The following TSHZ2 variants were observed in gnomAD, a reference collection of about 807,000 sequenced individuals.
TSHZ2 encodes the protein teashirt zinc finger homeobox 2, also known as teashirt homolog 2.
Under a neutral mutation model 74.4 loss-of-function variants are expected in TSHZ2, and 21 were observed. The ratio of observed to expected loss-of-function variants is 0.28; its 90% CI spans 0.20 to 0.41. The LOEUF is 0.41. TSHZ2 is among the 10% of genes least tolerant of loss of function. TSHZ2 has a pLI of 1.00. For missense variants in TSHZ2, 1,244 were observed against 1,293.5 expected (o/e 0.96, Z 0.59); for synonymous variants, 540 against 515.3 (o/e 1.05, Z -0.65).
At chr20:53,485,413 G>C (rs1014337461) in intron 2 of TSHZ2, among the ~76,000 whole-genome samples, 1 of 151,986 alleles carries the variant, frequency 6.6e-6, no homozygotes, top group Non-Finnish European at 1.5e-5. Flanking sequence ...TAAACCTAAC[G>C]AAATGCATGG....
At chr20:53,113,348 C>T (rs1057203027) in intron 1 of TSHZ2, among the ~76,000 whole-genome samples, 7 of 152,198 alleles carry the variant, frequency 4.6e-5, no homozygotes, top group Non-Finnish European at 1.0e-4. Context: ...CTCTGTACTT[C>T]GTTGTTCGTT....
chr20:53,228,229 G>A (rs901077314), intron 1 of TSHZ2, among the ~76,000 whole-genome samples: 6 of 151,826 alleles, frequency 4.0e-5, no homozygotes, highest in African/African-American at 1.4e-4. Context: ...TCTGGAAGTC[G>A]ACCACATAGG....
At chr20:53,033,392 A>C (rs2123069567) in intron 1 of TSHZ2, among the ~76,000 whole-genome samples, 2 of 152,266 alleles carry the variant, frequency 1.3e-5, no homozygotes, top group South Asian at 2.1e-4. Context: ...AAAGAGGAGA[A>C]TATTTTGGGG....
chr20:53,071,510 C>T (rs1423772712), intron 1 of TSHZ2, among the ~76,000 whole-genome samples: 2 of 152,218 alleles, frequency 1.3e-5, no homozygotes, highest in East Asian at 1.9e-4. Flanking sequence ...CATTTTTCTT[C>T]CTCCTTCTTT....
chr20:53,235,202 C>G (rs1989915781), intron 1 of TSHZ2, among the ~76,000 whole-genome samples: 2 of 151,774 alleles, frequency 1.3e-5, no homozygotes, highest in Admixed American at 6.6e-5. Flanking sequence ...AAGTCTCACT[C>G]TGTCACCCAG....
At chr20:53,084,037 G>A (rs961988912) in intron 1 of TSHZ2, among the ~76,000 whole-genome samples, 1 of 151,920 alleles carries the variant, frequency 6.6e-6, no homozygotes, top group Non-Finnish European at 1.5e-5. Context: ...ACATAGCTAA[G>A]GTATTTTTCA....
intron 1 of TSHZ2, among the ~76,000 whole-genome samples, chr20:53,089,884 G>T (rs1278081773): frequency 2.6e-5 from 4 of 152,222 alleles, no homozygotes; most frequent in Admixed American, 1.3e-4. Flanking sequence ...GAACTAATAG[G>T]ATAGATGTAT....
At chr20:53,224,508 G>A (rs1303489704) in intron 1 of TSHZ2, among the ~76,000 whole-genome samples, 2 of 152,128 alleles carry the variant, frequency 1.3e-5, no homozygotes, top group African/African-American at 2.4e-5. Flanking sequence ...AGCTATGATG[G>A]GAGAATAACT....
At chr20:53,436,765 G>C (rs1174411651) in intron 2 of TSHZ2, among the ~76,000 whole-genome samples, 1 of 151,580 alleles carries the variant, frequency 6.6e-6, no homozygotes, top group East Asian at 2.0e-4. Flanking sequence ...TGGCCAGGCT[G>C]GCCTAAAACT....
At chr20:52,973,406 G>A in intron 1 of TSHZ2, 73 bp downstream of exon 1, 2 of 1,526,826 alleles carry the variant, frequency 1.3e-6, no homozygotes, top group Non-Finnish European at 1.8e-6. Flanking sequence ...GCCCCTGGGT[G>A]CCCGGGGGCA....
chr20:52,975,786 C>G (rs761017688), intron 1 of TSHZ2, among the ~76,000 whole-genome samples: 22 of 152,182 alleles, frequency 1.4e-4, no homozygotes, highest in Non-Finnish European at 2.8e-4. Flanking sequence ...ATGCCCTACT[C>G]TATTTCAGCT....
At chr20:53,270,953 C>T (rs73911244) in intron 2 of TSHZ2, among the ~76,000 whole-genome samples, 6,229 of 152,208 alleles carry the variant, frequency 0.041, 295 homozygotes, top group East Asian at 0.11. Context: ...CACTTTTCCC[C>T]CTGCTGCCTT....
intron 1 of TSHZ2, among the ~76,000 whole-genome samples, chr20:53,077,554 T>A (rs1985406571): frequency 6.6e-6 from 1 of 151,940 alleles, no homozygotes; most frequent in Non-Finnish European, 1.5e-5. Context: ...GTCCACATAT[T>A]AGGAGCAATT....
intron 2 of TSHZ2, among the ~76,000 whole-genome samples, chr20:53,303,382 G>T (rs16997908): frequency 3.3e-5 from 5 of 152,100 alleles, no homozygotes; most frequent in Admixed American, 6.5e-5. Context: ...AGTTTAAAAA[G>T]CCTTCATTTA....
intron 1 of TSHZ2, among the ~76,000 whole-genome samples, chr20:53,026,235 G>A (rs145794264): frequency 2.4e-4 from 36 of 152,078 alleles, no homozygotes; most frequent in African/African-American, 8.4e-4. Context: ...CCTTCTCATT[G>A]TGCCTGCCCT....
chr20:52,974,247 G>A (rs1380969501), intron 1 of TSHZ2, among the ~76,000 whole-genome samples: 2 of 151,934 alleles, frequency 1.3e-5, no homozygotes. Flanking sequence ...TGAAAAATCA[G>A]CTTTCCACTT....
chr20:53,233,731 G>A (rs1204306963), intron 1 of TSHZ2, among the ~76,000 whole-genome samples: 1 of 152,114 alleles, frequency 6.6e-6, no homozygotes, highest in Non-Finnish European at 1.5e-5. Flanking sequence ...AGAGGGAGAA[G>A]GAGGAAGAAC....
intron 1 of TSHZ2, among the ~76,000 whole-genome samples, chr20:53,227,463 A>AACACACACAC (rs10574252): frequency 1.4e-5 from 2 of 146,566 alleles, no homozygotes; most frequent in African/African-American, 5.1e-5. Flanking sequence ...TGGGGAGGAA[A>AACACACACAC]ACACACACAC....
At chr20:53,001,670 A>G (rs1176075245) in intron 1 of TSHZ2, among the ~76,000 whole-genome samples, 3 of 152,210 alleles carry the variant, frequency 2.0e-5, no homozygotes, top group African/African-American at 7.2e-5. Context: ...GCCCCAGACT[A>G]AATAAAGCCC....
Sources: gnomAD v4.1 joint callset for allele counts (sites outside exome capture counted in the v4.1 genomes callset) on GRCh38, gnomAD v4.1.1 for gene constraint, MANE v1.5 for transcripts, NCBI Gene and HGNC (gene_info 2026-07-23, HGNC 2026-07-21) for gene names.